The following SLCO1B1 variants were observed in gnomAD, a reference collection of about 807,000 sequenced individuals.
SLCO1B1 encodes OATP-2.
Under a neutral mutation model 70.1 loss-of-function variants are expected in SLCO1B1, and 81 were observed. The observed-to-expected ratio is 1.16, with a 90% CI of 0.97 to 1.39. SLCO1B1 has a LOEUF of 1.39. SLCO1B1 is among the 40% of genes most tolerant of loss of function. The probability of loss-of-function intolerance (pLI) is 0.00; values close to 1 mark genes in which losing one functional copy is unlikely to be tolerated. For missense variants in SLCO1B1, 895 were observed against 799.6 expected (o/e 1.12, Z -1.44); for synonymous variants, 283 against 271.5 (o/e 1.04, Z -0.42).
intron 14 of SLCO1B1, among the ~76,000 whole-genome samples, chr12:21,236,247 CTT>C (rs1444861922): frequency 3.3e-5 from 5 of 152,206 alleles, no homozygotes; most frequent in Middle Eastern, 3.4e-3. Context: ...AGTCCCCACT[CTT>C]TTAGGGGAAG....
At chr12:21,216,502 C>T (rs1223551661) in intron 11 of SLCO1B1, among the ~76,000 whole-genome samples, 1 of 152,174 alleles carries the variant, frequency 6.6e-6, no homozygotes, top group African/African-American at 2.4e-5. Flanking sequence ...ACATTTTCCA[C>T]TTCTGTGCTC....
At chr12:21,211,382 G>A (rs2121166965) in intron 11 of SLCO1B1, among the ~76,000 whole-genome samples, 1 of 152,252 alleles carries the variant, frequency 6.6e-6, no homozygotes, top group Non-Finnish European at 1.5e-5. Context: ...TGTGTATATT[G>A]AACCAGCCTT....
chr12:21,140,226 CATATA>C (rs1940289305), intron 1 of SLCO1B1, among the ~76,000 whole-genome samples: 1 of 151,956 alleles, frequency 6.6e-6, no homozygotes, highest in African/African-American at 2.4e-5. Flanking sequence ...ATCAACTGTA[CATATA>C]ATATATATTA....
At chr12:21,177,399 C>A (rs867723711) in intron 5 of SLCO1B1, among the ~76,000 whole-genome samples, 2 of 152,098 alleles carry the variant, frequency 1.3e-5, no homozygotes, top group Non-Finnish European at 2.9e-5. Flanking sequence ...ACTTTGCTTT[C>A]ATTGCAAAAG....
At chr12:21,176,157 G>T (rs1940817619) in intron 4 of SLCO1B1, among the ~76,000 whole-genome samples, 2 of 152,166 alleles carry the variant, frequency 1.3e-5, no homozygotes, top group South Asian at 2.1e-4. Context: ...TTATACTAGT[G>T]TGAAATTCCC....
In SLCO1B1 at chr12:21,205,997, A is replaced by G. The variant is rs1941211293; in HGVS notation, c.1461A>G (p.Ala487=). Reference sequence around the variant, plus strand: ...TAACTTACATCTCACCCTGTCTAGCAGGTTGCAAATCTTCAAGTGGCAATA... The same window carrying G: ...TAACTTACATCTCACCCTGTCTAGCGGGTTGCAAATCTTCAAGTGGCAATA... ...NGITYISPCL[A]GCKSSSGNKK... is the part of the protein sequence containing the mutation. Residue 487 remains alanine (A), a synonymous_variant, in exon 11 of 15, where the codon GCA becomes GCG. Coordinates refer to ENST00000256958, the MANE Select transcript of SLCO1B1 (RefSeq NM_006446.5). The G allele has an allele frequency of 3.1e-6, 5 of 1,612,240 alleles. No individual in the cohort carries two copies. Among genetic ancestry groups the G allele is most frequent in the Non-Finnish European group, 3.4e-6 (4 of 1,178,662 alleles).
chr12:21,205,774 C>A lies in SLCO1B1; in HGVS notation c.1332-94C>A. 1.1e-6 allele frequency: 1 copy of A among 925,436 alleles called. No homozygotes were observed. The allele number at this position is 925,436 out of a possible 1,614,324, so 57.3% of individuals were successfully genotyped here. On this transcript the variant is annotated intron_variant, in intron 10 of 14. Transcript: ENST00000256958. The stretch of plus-strand genomic sequence containing the variant: ...CTTTATCTACTTTTTTTCCCTCTTT[C>A]TCTGCTTTCACTTTACTTCTTCCTT...
intron 5 of SLCO1B1, 103 bp from the exon 6 acceptor site, chr12:21,178,473 T>C (rs994189103): frequency 1.2e-6 from 1 of 819,270 alleles, no homozygotes; most frequent in Non-Finnish European, 2.0e-6. Flanking sequence ...ACTTGTAAAT[T>C]AAAAAAAAAT....
At chr12:21,169,813 A>G (rs1940735260) in intron 2 of SLCO1B1, among the ~76,000 whole-genome samples, 1 of 151,276 alleles carries the variant, frequency 6.6e-6, no homozygotes, top group Non-Finnish European at 1.5e-5. Flanking sequence ...TTTGTTGTTG[A>G]GATTTTAACA....
intron 7 of SLCO1B1, among the ~76,000 whole-genome samples, chr12:21,196,288 G>T (rs1221297115): frequency 6.6e-6 from 1 of 152,086 alleles, no homozygotes; most frequent in African/African-American, 2.4e-5. Flanking sequence ...TTTTATACCT[G>T]TTAAAAGAGT....
chr12:21,193,400 G>T (rs908130371), intron 7 of SLCO1B1, among the ~76,000 whole-genome samples: 3 of 152,082 alleles, frequency 2.0e-5, no homozygotes, highest in African/African-American at 7.2e-5. Context: ...TAGAACCATT[G>T]TTCACAGATA....
intron 10 of SLCO1B1, among the ~76,000 whole-genome samples, chr12:21,203,411 C>T (rs1024071887): frequency 2.0e-5 from 3 of 151,910 alleles, no homozygotes; most frequent in African/African-American, 4.8e-5. Flanking sequence ...TGATAATTTC[C>T]TGAATATAGC....
intron 11 of SLCO1B1, among the ~76,000 whole-genome samples, chr12:21,207,723 C>G (rs962671348): frequency 7.2e-5 from 11 of 151,864 alleles, no homozygotes; most frequent in Non-Finnish European, 8.8e-5. Context: ...CTCGAAACTA[C>G]TTTACACAGT....
chr12:21,140,125 C>T (rs186752332), intron 1 of SLCO1B1, among the ~76,000 whole-genome samples: 193 of 152,166 alleles, frequency 1.3e-3, no homozygotes, highest in African/African-American at 4.4e-3. Context: ...AGGCATATAA[C>T]TAACCCCACA....
At chr12:21,136,525 C>T (rs977897477) in intron 1 of SLCO1B1, among the ~76,000 whole-genome samples, 15 of 151,874 alleles carry the variant, frequency 9.9e-5, no homozygotes, top group Non-Finnish European at 2.1e-4. Context: ...AGGCTTTGTT[C>T]GTTTCTTTTT....
At chr12:21,145,434 G>C (rs1940367874) in intron 2 of SLCO1B1, among the ~76,000 whole-genome samples, 1 of 147,416 alleles carries the variant, frequency 6.8e-6, no homozygotes, top group South Asian at 2.2e-4. Context: ...TGAGTAGCTG[G>C]AACTACAGGC....
At position 21,145,473 on chromosome 12, in the gene SLCO1B1, A is replaced by ATTTTTTTTTTTT. The variant is rs35334634; in HGVS notation, c.84+3830_84+3841dup. ...TGCCACTTCACCCAGCATTTTTTTC[A>ATTTTTTTTTTTT]TTTTTTTTTTTTTTTTTTTTTTTTT... On this transcript the variant is annotated intron_variant, in intron 2 of 14. Coordinates refer to ENST00000256958, the MANE Select transcript of SLCO1B1 (RefSeq NM_006446.5). 1.3e-4 allele frequency among the ~76,000 whole-genome samples: 10 copies of ATTTTTTTTTTTT among 76,090 alleles called. 1 individual carries two copies. Among genetic ancestry groups the ATTTTTTTTTTTT allele is most frequent in the Admixed American group, 4.4e-4 (2 of 4,540 alleles). 49.9% of individuals were successfully genotyped at this position (76,090 alleles called of 152,430 possible). A position where few individuals can be genotyped will look rare whatever the true frequency, so the allele number is the denominator to read the frequency against.
chr12:21,192,562 G>GT (rs1042125201), intron 7 of SLCO1B1, among the ~76,000 whole-genome samples: 55 of 147,638 alleles, frequency 3.7e-4, no homozygotes, highest in East Asian at 1.8e-3. Context: ...TTTTTCTAAT[G>GT]TTTTTTTTTC....
At chr12:21,136,212 A>T (rs1820711228) in intron 1 of SLCO1B1, among the ~76,000 whole-genome samples, 1 of 152,142 alleles carries the variant, frequency 6.6e-6, no homozygotes, top group Non-Finnish European at 1.5e-5. Flanking sequence ...TGTTAGTCTG[A>T]TGGGCTTCCC....
Sources: gnomAD v4.1 joint callset for allele counts (sites outside exome capture counted in the v4.1 genomes callset) on GRCh38, gnomAD v4.1.1 for gene constraint, MANE v1.5 for transcripts, NCBI Gene and HGNC (gene_info 2026-07-23, HGNC 2026-07-21) for gene names.